The following RNGTT variants were observed in gnomAD, a reference collection of about 807,000 sequenced individuals.
The protein encoded by RNGTT is mRNA-capping enzyme.
Under a neutral mutation model 79.3 loss-of-function variants are expected in RNGTT, and 33 were observed. That is an observed-to-expected ratio of 0.42 (90% CI 0.32 to 0.56). The LOEUF is 0.56. RNGTT is among the 20% of genes least tolerant of loss of function. The pLI is 0.17. For synonymous variants in RNGTT, 222 were observed against 235.9 expected (o/e 0.94, Z 0.54); for missense variants, 497 against 739.1 (o/e 0.67, Z 3.80).
At chr6:88,928,100 T>C (rs887432780) in intron 4 of RNGTT, among the ~76,000 whole-genome samples, 4 of 151,986 alleles carry the variant, frequency 2.6e-5, no homozygotes, top group African/African-American at 9.7e-5. Flanking sequence ...TAATCCCAGC[T>C]ACTCAGGAAG....
chr6:88,941,872 T>C (rs1198023407), intron 1 of RNGTT, among the ~76,000 whole-genome samples: 6 of 152,202 alleles, frequency 3.9e-5, no homozygotes, highest in African/African-American at 1.4e-4. Context: ...ATCTAAGTTC[T>C]ACACCACTAC....
At chr6:88,742,004 T>A (rs1057486818) in intron 13 of RNGTT, among the ~76,000 whole-genome samples, 1 of 152,202 alleles carries the variant, frequency 6.6e-6, no homozygotes, top group African/African-American at 2.4e-5. Flanking sequence ...AGAAGAAAGC[T>A]GAAACATACA....
chr6:88,844,446 C>T lies in RNGTT; in HGVS notation c.1180G>A (p.Glu394Lys), dbSNP rs1021601970. 2 of 1,613,878 alleles carry T rather than the reference C, an allele frequency of 1.2e-6. No individual in the cohort carries two copies. The highest frequency in any genetic ancestry group is 3.3e-5 in the Admixed American group (2 of 60,010). ...TCAATGAGCCCAGTCTTCATTTTTT[C>T]GTGTCGAGGACTTATAATTTCTCGT... is the stretch of plus-strand genomic sequence containing the variant. ...IEREIISPRHEKMKTGLIDKT... is the reference protein window; with the variant it reads ...IEREIISPRHKKMKTGLIDKT... The change falls in exon 11 of 16, where the codon GAA becomes AAA. Residue 394 changes from glutamate to lysine, a missense_variant. By Grantham distance (56) the Glu-to-Lys change is moderately conservative. Around this residue, in one of 3 missense-constraint regions of RNGTT, gnomAD observed 440 missense variants for 671.5 expected, o/e 0.66. Transcript: ENST00000369485.
At chr6:88,655,862 T>C (rs930646879) in intron 14 of RNGTT, among the ~76,000 whole-genome samples, 5 of 152,314 alleles carry the variant, frequency 3.3e-5, no homozygotes, top group South Asian at 2.1e-4. Flanking sequence ...AAATGTGATC[T>C]TGAGAGGCTT....
chr6:88,949,160 A>AAAAAAAAAAAAAAAAAAAAAAAAT (rs1562077168), intron 1 of RNGTT, among the ~76,000 whole-genome samples: 1 of 35,072 alleles, frequency 2.9e-5, no homozygotes, highest in Non-Finnish European at 4.9e-5. Context: ...AAATAAAATG[A>AAAAAAAAAAAAAAAAAAAAAAAAT]AAAAAAAAAA....
chr6:88,808,778 T>C (rs181773626), intron 11 of RNGTT, among the ~76,000 whole-genome samples: 19 of 152,158 alleles, frequency 1.2e-4, no homozygotes, highest in Admixed American at 9.2e-4. Context: ...AGGTTTATCA[T>C]AGTCAAAACC....
At position 88,635,319 on chromosome 6, in the gene RNGTT, T is replaced by G. The variant is rs931419810; in HGVS notation, c.1507-20924A>C. On this transcript the variant is annotated intron_variant, in intron 14 of 15. Coordinates refer to ENST00000369485, the MANE Select transcript of RNGTT (RefSeq NM_003800.5). ...CCAGAGATTTTAGAAAACATGTAGC[T>G]GTTATTTGGTTACACGAACATTCTA... Among the ~76,000 whole-genome samples the G allele has an allele frequency of 2.0e-5, 3 of 152,086 alleles. No individual in the cohort carries two copies. In the East Asian group the frequency reaches 5.8e-4, roughly 29 times the overall value.
At chr6:88,911,959 T>C (rs905941641) in intron 4 of RNGTT, among the ~76,000 whole-genome samples, 5 of 151,826 alleles carry the variant, frequency 3.3e-5, no homozygotes, top group African/African-American at 7.3e-5. Context: ...TAAATTGCTG[T>C]AGTCCCAGCT....
intron 14 of RNGTT, among the ~76,000 whole-genome samples, chr6:88,624,852 GA>G (rs954066615): frequency 2.0e-5 from 3 of 151,488 alleles, no homozygotes; most frequent in African/African-American, 7.3e-5. Flanking sequence ...CAGAACACAT[GA>G]AAAAAATCTT....
intron 10 of RNGTT, among the ~76,000 whole-genome samples, 190 bp from the exon 11 acceptor site, chr6:88,844,711 C>T (rs773278965): frequency 1.3e-5 from 2 of 151,532 alleles, no homozygotes; most frequent in Admixed American, 6.6e-5. Flanking sequence ...ACTATCTAAA[C>T]ACACAAAGAG....
chr6:88,662,974 T>A (rs1273760928), intron 14 of RNGTT, among the ~76,000 whole-genome samples: 1 of 152,216 alleles, frequency 6.6e-6, no homozygotes. Context: ...AGATTTGAAC[T>A]GTTTTGGTTT....
intron 8 of RNGTT, among the ~76,000 whole-genome samples, chr6:88,868,832 T>C (rs1239427879): frequency 6.6e-6 from 1 of 152,184 alleles, no homozygotes; most frequent in Non-Finnish European, 1.5e-5. Context: ...GGAATTTCCT[T>C]TAAAGCAAGC....
At chr6:88,909,354 A>G (rs1019053874) in intron 4 of RNGTT, among the ~76,000 whole-genome samples, 5 of 151,830 alleles carry the variant, frequency 3.3e-5, no homozygotes, top group African/African-American at 1.2e-4. Flanking sequence ...GGCCATGGTC[A>G]CTATACTGGC....
chr6:88,735,005 C>A (rs1156537753), intron 13 of RNGTT, among the ~76,000 whole-genome samples: 1 of 152,058 alleles, frequency 6.6e-6, no homozygotes, highest in Non-Finnish European at 1.5e-5. Context: ...TGGGAAGTAA[C>A]CCCACCATAA....
At chr6:88,632,069 T>A (rs1772910660) in intron 14 of RNGTT, among the ~76,000 whole-genome samples, 1 of 152,112 alleles carries the variant, frequency 6.6e-6, no homozygotes, top group Admixed American at 6.6e-5. Context: ...CAAGTGATAC[T>A]CCCACCTCAG....
intron 12 of RNGTT, among the ~76,000 whole-genome samples, chr6:88,785,705 T>C (rs1779207760): frequency 6.6e-6 from 1 of 152,266 alleles, no homozygotes; most frequent in East Asian, 1.9e-4. Context: ...CATGGTAACA[T>C]CCTTGCTACA....
chr6:88,799,597 G>A (rs1779716941), intron 12 of RNGTT, among the ~76,000 whole-genome samples: 1 of 151,530 alleles, frequency 6.6e-6, no homozygotes, highest in Non-Finnish European at 1.5e-5. Context: ...CTACTCAGGA[G>A]GCTGAGGCAG....
chr6:88,729,975 T>C (rs969856275), intron 13 of RNGTT, among the ~76,000 whole-genome samples: 1 of 152,182 alleles, frequency 6.6e-6, no homozygotes, highest in African/African-American at 2.4e-5. Flanking sequence ...TGTCACACCA[T>C]GCATCTGTGG....
chr6:88,641,337 T>C (rs1240572904), intron 14 of RNGTT, among the ~76,000 whole-genome samples: 5 of 127,658 alleles, frequency 3.9e-5, no homozygotes, highest in Non-Finnish European at 1.5e-5. Flanking sequence ...AGACTCTGTC[T>C]TAAAAAAAAA....
Sources: gnomAD v4.1 joint callset for allele counts (sites outside exome capture counted in the v4.1 genomes callset) on GRCh38, gnomAD v4.1.1 for gene constraint, gnomAD v4.1.1 regional missense constraint, MANE v1.5 for transcripts, NCBI Gene and HGNC (gene_info 2026-07-23, HGNC 2026-07-21) for gene names.